SPTB: variants seen among roughly 807,000 people sequenced by gnomAD.
SPTB encodes the protein spectrin beta, erythrocytic, also known as spectrin beta chain, erythrocytic.
SPTB carries 45 observed loss-of-function variants against 256.2 expected under a neutral mutation model. That is an observed-to-expected ratio of 0.18 (90% CI 0.14 to 0.23). SPTB has a LOEUF of 0.23. Among genes scored for constraint, SPTB ranks in the 10% least tolerant of loss-of-function variants. The pLI is 1.00. For synonymous variants in SPTB, 1,231 were observed against 1,243.1 expected, an observed-to-expected ratio of 0.99 and a Z score of 0.21; for missense variants, 2,715 against 3,040.4, an observed-to-expected ratio of 0.89 and a Z score of 2.52.
intron 1 of SPTB, among the ~76,000 whole-genome samples, chr14:64,851,892 A>G (rs2083794524): frequency 6.6e-6 from 1 of 152,116 alleles, no homozygotes; most frequent in Non-Finnish European, 1.5e-5. Flanking sequence ...GGAGAGCTAA[A>G]GGAAAAATAG....
At chr14:64,784,622 T>C (rs2082531900) in intron 18 of SPTB, among the ~76,000 whole-genome samples, 1 of 152,202 alleles carries the variant, frequency 6.6e-6, no homozygotes, top group South Asian at 2.1e-4. Flanking sequence ...CTGGAGTGTG[T>C]GTGGTGTAGA....
chr14:64,773,063 G>A (rs552395874), intron 25 of SPTB, 109 bp from the exon 26 acceptor site: 470 of 1,552,754 alleles, frequency 3.0e-4, no homozygotes, highest in Non-Finnish European at 3.7e-4. Context: ...CGGGAGCTGC[G>A]CTGTCACACC....
chr14:64,772,610 G>T lies in SPTB; in HGVS notation c.5523C>A (p.Phe1841Leu), dbSNP rs772509663. The change falls in exon 26 of 36, where the codon TTC becomes TTA. Residue 1841 changes from phenylalanine to leucine, a missense_variant. Phe to Leu is a conservative substitution (Grantham distance 22). This residue lies in a region of SPTB where 2,239 missense variants were observed against 2,384.4 expected (regional missense o/e 0.94). Coordinates refer to ENST00000644917, the MANE Select transcript of SPTB (RefSeq NM_001355436.2). This position sits in a 1 kb window ranked among gnomAD's most constrained non-coding sequence, Gnocchi z 5.4. ...AESFHRVHTA[F>L]ERELHLLGVQ... ...CACCCAGCAGGTGGAGCTCCCGCTCGAAGGCTGTGTGCACCCGGTGGAAGG... is the reference window on the plus strand; with the variant it reads ...CACCCAGCAGGTGGAGCTCCCGCTCTAAGGCTGTGTGCACCCGGTGGAAGG... 2 of 1,611,324 alleles carry T rather than the reference G, an allele frequency of 1.2e-6. No homozygotes were observed.
At chr14:64,820,560 T>C (rs968713434) in intron 2 of SPTB, among the ~76,000 whole-genome samples, 2 of 152,246 alleles carry the variant, frequency 1.3e-5, no homozygotes, top group Admixed American at 6.5e-5. Context: ...TCTGTGGCTT[T>C]TCCTCTCCCT....
In SPTB at chr14:64,772,641, G is replaced by T; in HGVS notation, c.5492C>A (p.Ala1831Asp). The change falls in exon 26 of 36, where the codon GCC (alanine) becomes GAC (aspartate). Residue 1831 changes from alanine (A) to aspartate (D), a missense_variant. Physicochemically the swap from Ala to Asp is moderately radical, Grantham distance 126. This residue lies in a region of SPTB where 2,239 missense variants were observed against 2,384.4 expected (regional missense o/e 0.94). Coordinates refer to ENST00000644917, the MANE Select transcript of SPTB (RefSeq NM_001355436.2). The surrounding 1 kb of genome is among the most constrained non-coding windows in gnomAD (Gnocchi z 5.4). ...PEDVGLDAST[A>D]ESFHRVHTAF... ...TGTGTGCACCCGGTGGAAGGACTCG[G>T]CCGTGCTGGCGTCCAGCCCCACGTC... is the stretch of plus-strand genomic sequence containing the variant. 1 of 1,612,970 alleles carries T rather than the reference G, an allele frequency of 6.2e-7. No homozygotes were observed. The highest frequency in any genetic ancestry group is 8.5e-7 in the Non-Finnish European group (1 of 1,179,808).
In SPTB at chr14:64,804,827, G is replaced by A. The variant is rs993881426; in HGVS notation, c.300+112C>T. The A allele has an allele frequency of 3.6e-6, 5 of 1,377,638 alleles. No homozygotes were observed. The African/African-American group carries it at 7.2e-5, about 20-fold the overall frequency. 85.3% of individuals were successfully genotyped at this position (1,377,638 alleles called of 1,614,324 possible). A position where few individuals can be genotyped will look rare whatever the true frequency, so the allele number is the denominator to read the frequency against. Reference sequence around the variant, plus strand: ...ATTCTAAGTATTAGAGCCTCCCAAAGGAGCAGAGAGAAAACTGGGAAGGCC... The same window carrying A: ...ATTCTAAGTATTAGAGCCTCCCAAAAGAGCAGAGAGAAAACTGGGAAGGCC... On this transcript the variant is annotated intron_variant, in intron 3 of 35. Transcript: ENST00000644917.
chr14:64,784,371 T>G lies in SPTB; in HGVS notation c.3878A>C (p.Lys1293Thr). The G allele has an allele frequency of 6.2e-7, 1 of 1,614,254 alleles. No individual in the cohort carries two copies. The highest frequency in any genetic ancestry group is 8.5e-7 in the Non-Finnish European group (1 of 1,180,044). ...CQELTLWIND[K>T]LLTSQDVSYD... The stretch of plus-strand genomic sequence containing the variant: ...GGAGACATCCTGAGATGTCAGCAGC[T>G]TGTCGTTGATCCAGAGAGTGAGCTG... Residue 1293 changes from lysine to threonine, a missense_variant, in exon 19 of 36, where the codon AAG (lysine) becomes ACG (threonine). By Grantham distance (78) the Lys-to-Thr change is moderately conservative (BLOSUM62 -1). Transcript: ENST00000644917.
At chr14:64,787,946 T>C (rs1404793680) in intron 15 of SPTB, among the ~76,000 whole-genome samples, 1 of 152,232 alleles carries the variant, frequency 6.6e-6, no homozygotes, top group African/African-American at 2.4e-5. Context: ...TGAATGCTCA[T>C]TCTCTAATCG....
At chr14:64,783,877 A>G (rs953949337) in intron 19 of SPTB, among the ~76,000 whole-genome samples, 1 of 152,206 alleles carries the variant, frequency 6.6e-6, no homozygotes, top group Non-Finnish European at 1.5e-5. Context: ...CCCCTGGACC[A>G]CTGTGATCAT....
At chr14:64,831,359 C>T (rs1442145169) in intron 1 of SPTB, among the ~76,000 whole-genome samples, 1 of 152,152 alleles carries the variant, frequency 6.6e-6, no homozygotes, top group Non-Finnish European at 1.5e-5. Context: ...CTTCTCTCTC[C>T]TTTCTTTCAG....
chr14:64,804,073 T>C (rs1329952059), intron 3 of SPTB, among the ~76,000 whole-genome samples: 10 of 152,200 alleles, frequency 6.6e-5, no homozygotes, highest in Admixed American at 5.9e-4. Flanking sequence ...ACATAACATA[T>C]GGTTAATTGA....
In SPTB at chr14:64,747,431, G is replaced by A. The variant is rs2081864334; in HGVS notation, c.*1875C>T. On this transcript the variant is annotated 3_prime_UTR_variant, in exon 36 of 36. Coordinates refer to ENST00000644917, the MANE Select transcript of SPTB (RefSeq NM_001355436.2). The stretch of plus-strand genomic sequence containing the variant: ...GAGGCTGGTGAGTGATACACACTAG[G>A]TTCCCTGTATAGGGTCATATGTACC... 1.3e-5 allele frequency: 2 copies of A among 152,672 alleles called. No individual in the cohort carries two copies. The highest frequency in any genetic ancestry group is 4.1e-4 in the South Asian group (2 of 4,832). 9.5% of individuals were successfully genotyped at this position (152,672 alleles called of 1,614,324 possible).
Position 64,873,742 on chromosome 14 carries a change from C to A in SPTB, c.-52+6050G>T, listed in dbSNP as rs902112333. 1.3e-5 allele frequency among the ~76,000 whole-genome samples: 2 copies of A among 152,150 alleles called. No individual in the cohort carries two copies. Among genetic ancestry groups the A allele is most frequent in the Non-Finnish European group, 2.9e-5 (2 of 68,028 alleles). Reference sequence around the variant, plus strand: ...TATTCAATTACTCCACTGAGAAGACCTGGAAACAGCCCCAGCCTCAGAACT... The same window carrying A: ...TATTCAATTACTCCACTGAGAAGACATGGAAACAGCCCCAGCCTCAGAACT... On this transcript the variant is annotated intron_variant, in intron 1 of 35. Transcript: ENST00000644917. This position sits in a 1 kb window ranked among gnomAD's most constrained non-coding sequence, Gnocchi z 4.3.
chr14:64,776,723 T>G (rs1298714499), intron 22 of SPTB, among the ~76,000 whole-genome samples: 2 of 152,234 alleles, frequency 1.3e-5, no homozygotes. Flanking sequence ...ATTACGGGTG[T>G]GAACCACTGC....
At chr14:64,832,585 C>G (rs750838099) in intron 1 of SPTB, among the ~76,000 whole-genome samples, 2 of 152,194 alleles carry the variant, frequency 1.3e-5, no homozygotes, top group Non-Finnish European at 2.9e-5. Context: ...CTGAACCCAT[C>G]GTGTCCAACT....
rs1031284734 is a variant in SPTB, at chr14:64,879,809, C to CG, written c.-70dup. 2 of 153,052 alleles carry CG rather than the reference C, an allele frequency of 1.3e-5. No individual in the cohort carries two copies. The highest frequency in any genetic ancestry group is 4.8e-5 in the African/African-American group (2 of 41,428). 9.5% of individuals were successfully genotyped at this position (153,052 alleles called of 1,614,324 possible). A position where few individuals can be genotyped will look rare whatever the true frequency, so the allele number is the denominator to read the frequency against. On this transcript the variant is annotated 5_prime_UTR_variant, in exon 1 of 36. Coordinates refer to ENST00000644917, the MANE Select transcript of SPTB (RefSeq NM_001355436.2). The stretch of plus-strand genomic sequence containing the variant: ...GGACTCACCTGCCCTGGGACTGAAG[C>CG]GGGGGCCACCCCGAGCCCGGGGGTG...
chr14:64,843,111 C>A (rs1216160478), intron 1 of SPTB, among the ~76,000 whole-genome samples: 1 of 152,122 alleles, frequency 6.6e-6, no homozygotes, highest in Non-Finnish European at 1.5e-5. Context: ...AACTTTTTAT[C>A]ATCAGACATA....
chr14:64,767,883 AC>A (rs1224414563), intron 29 of SPTB, 24 bp from the exon 30 acceptor site: 2 of 1,611,484 alleles, frequency 1.2e-6, no homozygotes, highest in Non-Finnish European at 1.7e-6. Context: ...CAGGACACAG[AC>A]CCCCCACAAG....
intron 1 of SPTB, among the ~76,000 whole-genome samples, chr14:64,864,470 G>A (rs1359363252): frequency 6.6e-6 from 1 of 152,014 alleles, no homozygotes; most frequent in African/African-American, 2.4e-5. Context: ...AATGAAAGAG[G>A]TAAACCTCTA....
Sources: gnomAD v4.1 joint callset for allele counts (sites outside exome capture counted in the v4.1 genomes callset) on GRCh38, gnomAD v4.1.1 for gene constraint, gnomAD v4.1.1 regional missense constraint, Gnocchi (gnomAD v3.1) non-coding constraint, MANE v1.5 for transcripts, NCBI Gene and HGNC (gene_info 2026-07-23, HGNC 2026-07-21) for gene names.